The following EYS variants were observed in gnomAD, a reference collection of about 807,000 sequenced individuals.
EYS encodes the protein EGF-like photoreceptor maintenance factor, also known as protein eyes shut homolog.
EYS carries 250 observed loss-of-function variants against 282.1 expected under a neutral mutation model. The ratio of observed to expected loss-of-function variants is 0.89; its 90% confidence interval spans 0.80 to 0.98. The LOEUF is 0.98. Ranked by LOEUF, EYS falls within the 50% of genes least tolerant of loss-of-function variation. The pLI is 0.00. For missense variants in EYS, 4,016 were observed against 3,709.0 expected (o/e 1.08, Z -2.15); for synonymous variants, 1,355 against 1,282.9 (o/e 1.06, Z -1.20).
intron 29 of EYS, among the ~76,000 whole-genome samples, chr6:64,339,691 G>A (rs796669317): frequency 5.9e-5 from 9 of 151,892 alleles, no homozygotes; most frequent in African/African-American, 2.2e-4. Flanking sequence ...CGTGTTTACT[G>A]CAGCACAATT....
At chr6:64,440,966 G>T (rs1269024273) in intron 26 of EYS, among the ~76,000 whole-genome samples, 1 of 152,090 alleles carries the variant, frequency 6.6e-6, no homozygotes, top group Admixed American at 6.6e-5. Flanking sequence ...TTTGAAAACA[G>T]CCCCTATCGG....
Position 64,026,851 on chromosome 6 carries a change from C to T in EYS, c.6726-27668G>A, listed in dbSNP as rs559712866. On this transcript the variant is annotated intron_variant, in intron 33 of 42. Transcript: ENST00000503581. ...AGAGGGAGGGGAATTTGGCCCAACC[C>T]GGGTACATGTCCCCTTCTCCCTCTC... Among the ~76,000 whole-genome samples the T allele has an allele frequency of 2.8e-3, 421 of 152,192 alleles. 2 individuals are homozygous for T. Among genetic ancestry groups the T allele is most frequent in the African/African-American group, 9.6e-3 (400 of 41,522 alleles).
At chr6:65,326,260 T>C (rs1423091261) in intron 11 of EYS, among the ~76,000 whole-genome samples, 1 of 151,934 alleles carries the variant, frequency 6.6e-6, no homozygotes, top group South Asian at 2.1e-4. Flanking sequence ...TTTTAAGATA[T>C]ACAAATATTC....
intron 35 of EYS, among the ~76,000 whole-genome samples, chr6:63,896,866 AT>A (rs1773548354): frequency 6.6e-6 from 1 of 151,514 alleles, no homozygotes; most frequent in Non-Finnish European, 1.5e-5. Flanking sequence ...CGGTTCCTCT[AT>A]TTTTTTCACG....
chr6:63,732,579 C>T (rs11753940), intron 41 of EYS, among the ~76,000 whole-genome samples: 11,311 of 152,174 alleles, frequency 0.074, 490 homozygotes, highest in East Asian at 0.16. Flanking sequence ...CATTGAGATA[C>T]GCCCAATTAT....
intron 2 of EYS, among the ~76,000 whole-genome samples, chr6:65,606,063 C>G (rs1305827834): frequency 6.6e-6 from 1 of 151,458 alleles, no homozygotes; most frequent in African/African-American, 2.4e-5. Context: ...TGAGTTCTTA[C>G]AGTTAAAAAC....
chr6:63,923,327 A>G (rs1009015087), intron 35 of EYS, among the ~76,000 whole-genome samples: 2 of 152,194 alleles, frequency 1.3e-5, no homozygotes, highest in Admixed American at 6.5e-5. Context: ...TTGCTATACT[A>G]CCCACCATAC....
At chr6:64,512,472 C>G (rs1166926287) in intron 26 of EYS, among the ~76,000 whole-genome samples, 2 of 151,808 alleles carry the variant, frequency 1.3e-5, no homozygotes, top group Non-Finnish European at 2.9e-5. Flanking sequence ...AAATCCTGTA[C>G]CCTGATGGCC....
intron 30 of EYS, among the ~76,000 whole-genome samples, chr6:64,278,546 T>C (rs1241111801): frequency 6.6e-6 from 1 of 152,200 alleles, no homozygotes; most frequent in East Asian, 1.9e-4. Context: ...CTGTTTACTG[T>C]AATTAGGAAC....
At chr6:64,294,320 A>G (rs1217265026) in intron 30 of EYS, among the ~76,000 whole-genome samples, 1 of 152,242 alleles carries the variant, frequency 6.6e-6, no homozygotes, top group Non-Finnish European at 1.5e-5. Context: ...GTGAGGAAAT[A>G]GATCATGCTA....
At chr6:65,244,773 C>T (rs1767140096) in intron 12 of EYS, among the ~76,000 whole-genome samples, 1 of 151,956 alleles carries the variant, frequency 6.6e-6, no homozygotes, top group South Asian at 2.1e-4. Flanking sequence ...CCGCCCGCCT[C>T]GGCCTTCCAA....
At chr6:65,445,026 A>C (rs888605329) in intron 5 of EYS, among the ~76,000 whole-genome samples, 1 of 151,886 alleles carries the variant, frequency 6.6e-6, no homozygotes, top group Non-Finnish European at 1.5e-5. Flanking sequence ...CTGACAAAAG[A>C]TCTCTAGAAT....
chr6:64,678,170 A>G (rs891176801), intron 22 of EYS, among the ~76,000 whole-genome samples: 3 of 152,030 alleles, frequency 2.0e-5, no homozygotes, highest in African/African-American at 7.2e-5. Flanking sequence ...TGAGTATCAA[A>G]AAGAGTCTGG....
chr6:64,303,816 G>A (rs1769326033), intron 30 of EYS, among the ~76,000 whole-genome samples: 1 of 133,360 alleles, frequency 7.5e-6, no homozygotes. Context: ...ACTCCAGCCT[G>A]GGCGACAGAG....
intron 12 of EYS, among the ~76,000 whole-genome samples, chr6:65,181,225 G>A (rs371270338): frequency 1.3e-5 from 2 of 151,870 alleles, no homozygotes; most frequent in South Asian, 2.1e-4. Flanking sequence ...ATTAAACTAA[G>A]GAGCTTCTGC....
At chr6:65,298,004 G>A (rs1768713669) in intron 11 of EYS, among the ~76,000 whole-genome samples, 1 of 152,020 alleles carries the variant, frequency 6.6e-6, no homozygotes, top group Non-Finnish European at 1.5e-5. Flanking sequence ...CCTCTACTAT[G>A]CAAGCTTTAG....
At chr6:64,194,730 T>C (rs909934136) in intron 31 of EYS, among the ~76,000 whole-genome samples, 5 of 152,116 alleles carry the variant, frequency 3.3e-5, no homozygotes, top group African/African-American at 1.2e-4. Context: ...GTCAGTGTTA[T>C]ATATATATTC....
intron 23 of EYS, among the ~76,000 whole-genome samples, chr6:64,620,055 A>G (rs957510429): frequency 6.6e-6 from 1 of 152,166 alleles, no homozygotes; most frequent in African/African-American, 2.4e-5. Context: ...GTCAAGATTC[A>G]TTACAAGAAA....
chr6:64,566,245 C>G (rs966675752), intron 26 of EYS, among the ~76,000 whole-genome samples: 4 of 152,226 alleles, frequency 2.6e-5, no homozygotes, highest in African/African-American at 9.6e-5. Flanking sequence ...ACAAAGTATA[C>G]TATCTCTCTG....
Sources: gnomAD v4.1 joint callset for allele counts (sites outside exome capture counted in the v4.1 genomes callset) on GRCh38, gnomAD v4.1.1 for gene constraint, MANE v1.5 for transcripts, NCBI Gene and HGNC (gene_info 2026-07-23, HGNC 2026-07-21) for gene names.